AHCYL2: variants seen among roughly 807,000 people sequenced by gnomAD.
AHCYL2 encodes S-adenosylhomocysteine hydrolase-like protein 2.
In AHCYL2, 28 loss-of-function variants were observed where a neutral mutation model predicts 81.4. That is an observed-to-expected ratio of 0.34 (90% CI 0.25 to 0.47). The LOEUF is 0.47. AHCYL2 is among the 20% of genes least tolerant of loss of function. The pLI is 1.00. For missense variants in AHCYL2, 551 were observed against 785.1 expected, an observed-to-expected ratio of 0.70 and a Z score of 3.56; for synonymous variants, 272 against 290.2, an observed-to-expected ratio of 0.94 and a Z score of 0.64.
At chr7:129,369,359 A>G (rs1794264269) in intron 1 of AHCYL2, among the ~76,000 whole-genome samples, 1 of 152,168 alleles carries the variant, frequency 6.6e-6, no homozygotes, top group Admixed American at 6.5e-5. Flanking sequence ...ACATATTTCA[A>G]GTTCTTTTTA....
Position 129,245,578 on chromosome 7 carries a change from TAC to T in AHCYL2, c.363+20140_363+20141del, listed in dbSNP as rs1356629723. ...CTTTTATGAATTTGACTTCTCTAGG[TAC>T]CTTATATAAGTAGACTCATACAGTA... On this transcript the variant is annotated intron_variant, in intron 1 of 16. Transcript: ENST00000325006. 3.8e-5 allele frequency among the ~76,000 whole-genome samples: 4 copies of T among 105,704 alleles called. No individual in the cohort carries two copies. The East Asian group carries it at 1.2e-3, about 31-fold the overall frequency. 69.3% of individuals were successfully genotyped at this position (105,704 alleles called of 152,430 possible).
rs371654881 is a variant in AHCYL2 at position 129,260,913 on chromosome 7, C to T, written c.363+35474C>T. 1.1e-3 allele frequency among the ~76,000 whole-genome samples: 162 copies of T among 152,248 alleles called. 1 individual carries two copies. Among genetic ancestry groups the T allele is most frequent in the African/African-American group, 3.6e-3 (150 of 41,546 alleles). Reference sequence around the variant, plus strand: ...AAGTGATTCTCCTGCCTCAGCCTCCCGAGTAGCTGGGATTACAGGCGTACG... The same window carrying T: ...AAGTGATTCTCCTGCCTCAGCCTCCTGAGTAGCTGGGATTACAGGCGTACG... On this transcript the variant is annotated intron_variant, in intron 1 of 16. Transcript: ENST00000325006.
intron 1 of AHCYL2, among the ~76,000 whole-genome samples, chr7:129,234,209 C>T (rs1034545596): frequency 6.6e-6 from 1 of 152,058 alleles, no homozygotes; most frequent in African/African-American, 2.4e-5. Flanking sequence ...TGCCACCATA[C>T]CTGGCTAATT....
intron 1 of AHCYL2, among the ~76,000 whole-genome samples, chr7:129,291,927 A>T (rs1368257958): frequency 6.6e-6 from 1 of 151,978 alleles, no homozygotes; most frequent in Non-Finnish European, 1.5e-5. Context: ...TTTTATGATG[A>T]CAAATATGGC....
chr7:129,271,129 G>A (rs1440239520), intron 1 of AHCYL2, among the ~76,000 whole-genome samples: 2 of 152,016 alleles, frequency 1.3e-5, no homozygotes, highest in Non-Finnish European at 2.9e-5. Context: ...TTGGGAGGCC[G>A]AGGCGGGCGG....
chr7:129,354,793 T>C (rs909828326), intron 1 of AHCYL2, among the ~76,000 whole-genome samples: 1 of 152,176 alleles, frequency 6.6e-6, no homozygotes. Context: ...AGAAGCAAAG[T>C]TGAAGTGATT....
At chr7:129,410,186 T>C (rs1484274673) in intron 11 of AHCYL2, 25 of 1,611,948 alleles carry the variant, frequency 1.6e-5, no homozygotes, top group Non-Finnish European at 2.1e-5. Flanking sequence ...AATCCGATCA[T>C]TGATCATTTG....
chr7:129,353,513 G>A (rs531421681), intron 1 of AHCYL2, among the ~76,000 whole-genome samples: 1 of 151,252 alleles, frequency 6.6e-6, no homozygotes, highest in African/African-American at 2.4e-5. Flanking sequence ...TAGCCTCTTG[G>A]TCATTTCCTG....
intron 1 of AHCYL2, among the ~76,000 whole-genome samples, chr7:129,302,356 T>C (rs1797284924): frequency 1.3e-5 from 2 of 152,168 alleles, no homozygotes; most frequent in Non-Finnish European, 2.9e-5. Context: ...CCCTTATATC[T>C]TTCTCTTGAC....
chr7:129,348,745 G>A (rs1332167349), intron 1 of AHCYL2, among the ~76,000 whole-genome samples: 1 of 152,118 alleles, frequency 6.6e-6, no homozygotes, highest in Non-Finnish European at 1.5e-5. Flanking sequence ...ATTGCTGTTT[G>A]GAGGGTTCAC....
intron 1 of AHCYL2, among the ~76,000 whole-genome samples, chr7:129,241,081 G>T (rs572450211): frequency 4.5e-4 from 68 of 152,130 alleles, no homozygotes; most frequent in Non-Finnish European, 8.5e-4. Flanking sequence ...CAGATTTCTT[G>T]TGACTCGGGC....
At chr7:129,299,353 T>G (rs2150759878) in intron 1 of AHCYL2, among the ~76,000 whole-genome samples, 5 of 124,658 alleles carry the variant, frequency 4.0e-5, no homozygotes, top group Admixed American at 9.0e-5. Context: ...GAGGCTGAGG[T>G]GGGAGAGTCC....
At chr7:129,290,232 G>A (rs1423856843) in intron 1 of AHCYL2, among the ~76,000 whole-genome samples, 2 of 152,260 alleles carry the variant, frequency 1.3e-5, no homozygotes, top group African/African-American at 2.4e-5. Context: ...GGCTGGGCAC[G>A]GTGGCTCATG....
chr7:129,327,003 A>G (rs1352890141), intron 1 of AHCYL2, among the ~76,000 whole-genome samples: 1 of 152,210 alleles, frequency 6.6e-6, no homozygotes, highest in Non-Finnish European at 1.5e-5. Flanking sequence ...TGGAAGCAGG[A>G]TGACCAGCTA....
intron 1 of AHCYL2, among the ~76,000 whole-genome samples, chr7:129,262,031 A>G (rs1795660753): frequency 1.3e-5 from 2 of 152,028 alleles, no homozygotes; most frequent in African/African-American, 4.8e-5. Flanking sequence ...TGCATATAAC[A>G]TCACTGAAAA....
chr7:129,388,941 G>A, intron 2 of AHCYL2, 115 bp from the exon 3 acceptor site: 11 of 1,247,218 alleles, frequency 8.8e-6, no homozygotes, highest in Non-Finnish European at 1.2e-5. Flanking sequence ...CTTAACAGAG[G>A]TAAAAAAATT....
intron 1 of AHCYL2, among the ~76,000 whole-genome samples, chr7:129,277,517 C>T (rs775656906): frequency 1.7e-4 from 26 of 151,942 alleles, no homozygotes; most frequent in Non-Finnish European, 3.5e-4. Context: ...TGGGCTCAGG[C>T]AATCCACCTG....
chr7:129,247,978 C>T (rs1466994370), intron 1 of AHCYL2, among the ~76,000 whole-genome samples: 5 of 152,078 alleles, frequency 3.3e-5, no homozygotes, highest in African/African-American at 1.2e-4. Context: ...CCTTTGTTTT[C>T]GTCTAATGGT....
chr7:129,407,781 A>G (rs1796374774), intron 10 of AHCYL2, among the ~76,000 whole-genome samples: 1 of 152,254 alleles, frequency 6.6e-6, no homozygotes, highest in African/African-American at 2.4e-5. Context: ...ACCACTGTGC[A>G]GCAAAGTAAG....
Sources: allele counts gnomAD v4.1 joint callset (sites outside exome capture counted in the v4.1 genomes callset), GRCh38; gene constraint gnomAD v4.1.1; transcripts MANE v1.5; gene names NCBI Gene and HGNC (gene_info 2026-07-23, HGNC 2026-07-21).